CSMD1: variants seen among roughly 807,000 people sequenced by gnomAD.
CSMD1 encodes the protein CUB and sushi domain-containing protein 1.
Under a neutral mutation model 417.5 loss-of-function variants are expected in CSMD1, and 213 were observed. The observed-to-expected ratio is 0.51, with a 90% CI of 0.46 to 0.57. The LOEUF is 0.57. Ranked by LOEUF, CSMD1 falls within the 20% of genes least tolerant of loss-of-function variation. The probability of loss-of-function intolerance (pLI) is 0.00; values close to 1 mark genes in which losing one functional copy is unlikely to be tolerated. For synonymous variants in CSMD1, 2,862 were observed against 1,736.8 expected (o/e 1.65, Z -16.11); for missense variants, 6,923 against 4,529.7 (o/e 1.53, Z -15.17).
chr8:4,877,662 A>G (rs1220568328), intron 1 of CSMD1, among the ~76,000 whole-genome samples: 1 of 152,058 alleles, frequency 6.6e-6, no homozygotes, highest in Non-Finnish European at 1.5e-5. Context: ...GCCAATAAAC[A>G]CAAATTGAAA....
chr8:3,924,750 T>G lies in CSMD1; in HGVS notation c.818+73153A>C, dbSNP rs180802659. ...CACCTCTTTGTTGAACTACTCATTT[T>G]GTTCATATCTTGTTTTTCTGGTACT... On this transcript the variant is annotated intron_variant, in intron 5 of 69. Transcript: ENST00000635120. 1.9e-3 allele frequency among the ~76,000 whole-genome samples: 277 copies of G among 147,956 alleles called. 1 individual carries two copies. Among genetic ancestry groups the G allele is most frequent in the African/African-American group, 6.4e-3 (265 of 41,430 alleles).
At chr8:3,166,505 G>C (rs1052880913) in intron 37 of CSMD1, among the ~76,000 whole-genome samples, 7 of 152,256 alleles carry the variant, frequency 4.6e-5, no homozygotes, top group African/African-American at 1.7e-4. Flanking sequence ...CTGCACTCCA[G>C]CCTGGGCAAC....
intron 1 of CSMD1, among the ~76,000 whole-genome samples, chr8:4,668,709 C>A (rs144770642): frequency 6.6e-6 from 1 of 151,882 alleles, no homozygotes; most frequent in Admixed American, 6.6e-5. Context: ...GTCAGCCTCC[C>A]AAAAATAAAA....
At chr8:3,024,182 A>T (rs7014653) in intron 51 of CSMD1, among the ~76,000 whole-genome samples, 3,059 of 152,118 alleles carry the variant, frequency 0.02, 101 homozygotes, top group African/African-American at 0.069. Flanking sequence ...TGAGAGATAA[A>T]TGTAATTTAA....
chr8:3,993,514 C>G (rs922400673), intron 5 of CSMD1, among the ~76,000 whole-genome samples: 3 of 152,166 alleles, frequency 2.0e-5, no homozygotes, highest in African/African-American at 7.2e-5. Flanking sequence ...AGCCAGTCAC[C>G]AATTAGATTG....
intron 3 of CSMD1, among the ~76,000 whole-genome samples, chr8:4,144,932 G>C (rs1804019698): frequency 6.6e-6 from 1 of 150,964 alleles, no homozygotes; most frequent in African/African-American, 2.5e-5. Context: ...GTGAAGCAGA[G>C]ACCCCAGAAA....
At chr8:3,402,904 T>G (rs1393273747) in intron 15 of CSMD1, among the ~76,000 whole-genome samples, 1 of 151,932 alleles carries the variant, frequency 6.6e-6, no homozygotes, top group Non-Finnish European at 1.5e-5. Flanking sequence ...TTAGAGGACT[T>G]AAAGATAGAC....
chr8:3,801,997 T>C (rs1198832665), intron 5 of CSMD1, among the ~76,000 whole-genome samples: 1 of 152,092 alleles, frequency 6.6e-6, no homozygotes, highest in Non-Finnish European at 1.5e-5. Context: ...GAAAATATTC[T>C]AAAATCGGAT....
chr8:3,981,500 T>TAAAAAAAAAAAAAAAAAAAAAAAAA (rs200296436), intron 5 of CSMD1, among the ~76,000 whole-genome samples: 2 of 115,076 alleles, frequency 1.7e-5, no homozygotes, highest in Non-Finnish European at 3.5e-5. Flanking sequence ...TAGAAAAAAG[T>TAAAAAAAAAAAAAAAAAAAAAAAAA]AAAAAAAAAA....
chr8:4,236,026 G>GCTT (rs1420352173), intron 3 of CSMD1, among the ~76,000 whole-genome samples: 43 of 108,104 alleles, frequency 4.0e-4, no homozygotes, highest in African/African-American at 1.3e-3. Context: ...AATGGATATT[G>GCTT]TTTTTTTTGT....
At chr8:4,428,822 G>T (rs886471775) in intron 2 of CSMD1, among the ~76,000 whole-genome samples, 1 of 151,942 alleles carries the variant, frequency 6.6e-6, no homozygotes, top group Non-Finnish European at 1.5e-5. Context: ...CAGGTTGAAG[G>T]ATTCTCCTGC....
At chr8:4,203,796 G>A (rs541524701) in intron 3 of CSMD1, among the ~76,000 whole-genome samples, 2 of 152,210 alleles carry the variant, frequency 1.3e-5, no homozygotes, top group South Asian at 4.2e-4. Context: ...GCTAATTTGA[G>A]GATGGATTAA....
At chr8:3,513,400 C>T (rs1797159888) in intron 10 of CSMD1, among the ~76,000 whole-genome samples, 1 of 149,432 alleles carries the variant, frequency 6.7e-6, no homozygotes, top group Non-Finnish European at 1.5e-5. Context: ...GAGTGGTGCT[C>T]ACTGCAACCT....
At chr8:4,189,350 T>C (rs1798877063) in intron 3 of CSMD1, among the ~76,000 whole-genome samples, 1 of 152,166 alleles carries the variant, frequency 6.6e-6, no homozygotes, top group Non-Finnish European at 1.5e-5. Flanking sequence ...TTAGGAATAA[T>C]GATAATAAAT....
intron 30 of CSMD1, among the ~76,000 whole-genome samples, chr8:3,211,935 G>A (rs193160504): frequency 6.6e-6 from 1 of 152,178 alleles, no homozygotes; most frequent in African/African-American, 2.4e-5. Context: ...TGGAGGTGTG[G>A]CCCACCCTGG....
chr8:4,630,087 G>C (rs1226338562), intron 2 of CSMD1, among the ~76,000 whole-genome samples: 1 of 151,990 alleles, frequency 6.6e-6, no homozygotes, highest in African/African-American at 2.4e-5. Flanking sequence ...TTTAGCTACC[G>C]CAAAACACAC....
At chr8:3,751,881 T>G (rs1454636084) in intron 6 of CSMD1, among the ~76,000 whole-genome samples, 1 of 152,210 alleles carries the variant, frequency 6.6e-6, no homozygotes, top group Non-Finnish European at 1.5e-5. Flanking sequence ...AAAGATCAAT[T>G]TACATTTTAG....
chr8:3,665,123 G>T (rs187650666), intron 7 of CSMD1, among the ~76,000 whole-genome samples: 1 of 152,088 alleles, frequency 6.6e-6, no homozygotes, highest in African/African-American at 2.4e-5. Flanking sequence ...AAAGTTTCAG[G>T]TGATTAGGAA....
rs186370196 is a variant in CSMD1, at chr8:3,767,223, C to A, written c.819-13181G>T. Among the ~76,000 whole-genome samples, 9 of 152,356 alleles carry A rather than the reference C, an allele frequency of 5.9e-5. No individual in the cohort carries two copies. In the East Asian group the frequency reaches 1.7e-3, roughly 29 times the overall value. ...GTTCATTCCATGCACAGGCTCTGGA[C>A]TGAGGCCAAAGAGCAGCTCAGGCTC... On this transcript the variant is annotated intron_variant, in intron 5 of 69. Transcript: ENST00000635120.
Sources: allele counts gnomAD v4.1 joint callset (sites outside exome capture counted in the v4.1 genomes callset), GRCh38; gene constraint gnomAD v4.1.1; transcripts MANE v1.5; gene names NCBI Gene and HGNC (gene_info 2026-07-23, HGNC 2026-07-21).